Variants in PDZRN4 observed in about 807,000 individuals in gnomAD.
The protein encoded by PDZRN4 is PDZ domain containing ring finger 4.
In PDZRN4, 70 loss-of-function variants were observed where a neutral mutation model predicts 99.0. The observed-to-expected ratio is 0.71, with a 90% confidence interval of 0.58 to 0.86. The LOEUF (loss-of-function observed/expected upper bound fraction) is 0.86. Among genes scored for constraint, PDZRN4 ranks in the 40% least tolerant of loss-of-function variants. PDZRN4 has a pLI of 0.00. For missense variants in PDZRN4, 1,474 were observed against 1,331.2 expected, an observed-to-expected ratio of 1.11 and a Z score of -1.67; for synonymous variants, 551 against 501.6, an observed-to-expected ratio of 1.10 and a Z score of -1.32.
intron 5 of PDZRN4, among the ~76,000 whole-genome samples, chr12:41,511,506 A>G (rs1348410614): frequency 1.3e-5 from 2 of 152,064 alleles, no homozygotes; most frequent in African/African-American, 4.8e-5. Context: ...CCGTTGCCAA[A>G]GGCTCCTTTC....
At chr12:41,215,509 CA>C (rs1950914400) in intron 3 of PDZRN4, among the ~76,000 whole-genome samples, 2 of 151,884 alleles carry the variant, frequency 1.3e-5, no homozygotes, top group South Asian at 4.1e-4. Flanking sequence ...TTATAATAAA[CA>C]AAAAGTATAC....
chr12:41,438,354 T>C (rs1222988656), intron 3 of PDZRN4, among the ~76,000 whole-genome samples: 1 of 152,220 alleles, frequency 6.6e-6, no homozygotes, highest in Non-Finnish European at 1.5e-5. Flanking sequence ...AAATCAATTG[T>C]ATCATTGTCT....
chr12:41,462,381 A>G (rs1233372990), intron 3 of PDZRN4, among the ~76,000 whole-genome samples: 1 of 152,218 alleles, frequency 6.6e-6, no homozygotes, highest in Non-Finnish European at 1.5e-5. Flanking sequence ...GCCTTCATTA[A>G]GTTTTCATTA....
chr12:41,268,256 T>C (rs1566408801), intron 3 of PDZRN4, among the ~76,000 whole-genome samples: 1 of 152,168 alleles, frequency 6.6e-6, no homozygotes, highest in African/African-American at 2.4e-5. Context: ...TGAGAAAAGT[T>C]TAGCAAATTG....
rs1465305487 is a variant in PDZRN4 at position 41,439,828 on chromosome 12, G to C, written c.844-66628G>C. Among the ~76,000 whole-genome samples the C allele has an allele frequency of 4.6e-5, 7 of 152,260 alleles. No individual in the cohort carries two copies. In the East Asian group the frequency reaches 1.3e-3, roughly 29 times the overall value. On this transcript the variant is annotated intron_variant, in intron 3 of 9. Transcript: ENST00000402685. ...CATTTAACTGGCTTTTATTAGATAA[G>C]CTAAAGCCCCAGCTTAAAGGTCTTG...
intron 3 of PDZRN4, among the ~76,000 whole-genome samples, chr12:41,354,640 A>C (rs975562873): frequency 6.6e-6 from 1 of 152,078 alleles, no homozygotes; most frequent in African/African-American, 2.4e-5. Flanking sequence ...TCCCTGTTTT[A>C]ATCTCTGGAG....
intron 3 of PDZRN4, among the ~76,000 whole-genome samples, chr12:41,432,435 A>C (rs964057013): frequency 1.3e-5 from 2 of 152,220 alleles, no homozygotes; most frequent in African/African-American, 4.8e-5. Flanking sequence ...AGTCATTGCT[A>C]ATGTGTGTTA....
At chr12:41,536,924 C>T (rs1320058944) in intron 5 of PDZRN4, among the ~76,000 whole-genome samples, 1 of 152,074 alleles carries the variant, frequency 6.6e-6, no homozygotes, top group Non-Finnish European at 1.5e-5. Flanking sequence ...TTCATAGTGC[C>T]TAGCAATACC....
chr12:41,475,841 G>C (rs1953037774), intron 3 of PDZRN4, among the ~76,000 whole-genome samples: 2 of 152,104 alleles, frequency 1.3e-5, no homozygotes, highest in Admixed American at 1.3e-4. Flanking sequence ...CTCCTTTGCT[G>C]TCCTCCCCTT....
chr12:41,236,432 A>G (rs1951067411), intron 3 of PDZRN4, among the ~76,000 whole-genome samples: 2 of 152,108 alleles, frequency 1.3e-5, no homozygotes, highest in African/African-American at 4.8e-5. Context: ...CGGGAGGCTC[A>G]TTTAGGGCAA....
chr12:41,322,929 A>G (rs2120977151), intron 3 of PDZRN4, among the ~76,000 whole-genome samples: 1 of 152,046 alleles, frequency 6.6e-6, no homozygotes. Context: ...TTGAAAAAAA[A>G]TTAGATTGTT....
intron 3 of PDZRN4, among the ~76,000 whole-genome samples, chr12:41,320,412 G>A (rs1039538607): frequency 3.9e-5 from 6 of 152,186 alleles, no homozygotes; most frequent in African/African-American, 1.4e-4. Context: ...TCTTGCTGCT[G>A]AGAACTCAGT....
At position 41,548,008 on chromosome 12, in the gene PDZRN4, T is replaced by C. The variant is rs1268968804; in HGVS notation, c.1204-4648T>C. ...TTTCAGAAGACCATTGAAAAAGAAG[T>C]AGTCAAATAAACAGGCGGGGTTAAG... On this transcript the variant is annotated intron_variant, in intron 5 of 9. Transcript: ENST00000402685. 5.3e-5 allele frequency among the ~76,000 whole-genome samples: 8 copies of C among 152,292 alleles called. No homozygotes were observed. In the East Asian group the frequency reaches 1.5e-3, roughly 29 times the overall value.
intron 3 of PDZRN4, among the ~76,000 whole-genome samples, chr12:41,238,698 T>C (rs1028785933): frequency 9.3e-6 from 1 of 107,394 alleles, no homozygotes; most frequent in Non-Finnish European, 1.9e-5. Context: ...CCAGTCAGAA[T>C]GGCTATTATT....
At chr12:41,422,860 C>T (rs555229619) in intron 3 of PDZRN4, among the ~76,000 whole-genome samples, 2 of 152,276 alleles carry the variant, frequency 1.3e-5, no homozygotes, top group East Asian at 1.9e-4. Context: ...TGTGTGTACA[C>T]ACATATGCAC....
At chr12:41,323,527 T>C (rs1023380474) in intron 3 of PDZRN4, among the ~76,000 whole-genome samples, 9 of 152,074 alleles carry the variant, frequency 5.9e-5, no homozygotes, top group Admixed American at 2.0e-4. Context: ...ATGAAGAGAT[T>C]GATCTTCTTA....
At chr12:41,513,027 A>G (rs1938335411) in intron 5 of PDZRN4, among the ~76,000 whole-genome samples, 1 of 152,040 alleles carries the variant, frequency 6.6e-6, no homozygotes, top group East Asian at 1.9e-4. Flanking sequence ...TGCCTTTTTA[A>G]AGACCTACTT....
chr12:41,275,883 G>C (rs1387427000), intron 3 of PDZRN4, among the ~76,000 whole-genome samples: 1 of 152,102 alleles, frequency 6.6e-6, no homozygotes, highest in African/African-American at 2.4e-5. Flanking sequence ...AAATGTACAG[G>C]CTGGATGTGA....
chr12:41,395,738 TA>T (rs1389965464), intron 3 of PDZRN4, among the ~76,000 whole-genome samples: 1 of 152,182 alleles, frequency 6.6e-6, no homozygotes, highest in Non-Finnish European at 1.5e-5. Flanking sequence ...AACAACACTT[TA>T]AATTTTTCTA....
Sources: gnomAD v4.1 joint callset for allele counts (sites outside exome capture counted in the v4.1 genomes callset) on GRCh38, gnomAD v4.1.1 for gene constraint, MANE v1.5 for transcripts, NCBI Gene and HGNC (gene_info 2026-07-23, HGNC 2026-07-21) for gene names.